Variants in SPAG16 observed in about 807,000 individuals in gnomAD.
SPAG16 encodes the protein sperm associated antigen 16, also known as sperm-associated antigen 16 protein.
In SPAG16, 86 loss-of-function variants were observed where a neutral mutation model predicts 80.4. The observed-to-expected ratio is 1.07, with a 90% CI of 0.90 to 1.28. SPAG16 has a LOEUF of 1.28. SPAG16 is among the 50% of genes most tolerant of loss of function. SPAG16 has a pLI of 0.00. For synonymous variants in SPAG16, 294 were observed against 265.9 expected (o/e 1.11, Z -1.03); for missense variants, 870 against 765.3 (o/e 1.14, Z -1.61).
In SPAG16 at chr2:214,236,651, C is replaced by CA. The variant is rs796602256; in HGVS notation, c.1720+87398dup. On this transcript the variant is annotated intron_variant, in intron 15 of 15. Coordinates refer to ENST00000331683, the MANE Select transcript of SPAG16 (RefSeq NM_024532.5). ...TGGGTGACAGAGCGAGACTCCGTTT[C>CA]AAAAAAAAAAAAAGATACAATTTTG... Among the ~76,000 whole-genome samples, 560 of 131,502 alleles carry CA rather than the reference C, an allele frequency of 4.3e-3. 3 individuals carry two copies. The highest frequency in any genetic ancestry group is 0.011 in the African/African-American group (409 of 36,200). 86.3% of individuals were successfully genotyped at this position (131,502 alleles called of 152,430 possible).
chr2:214,273,048 A>G (rs1257809117), intron 15 of SPAG16, among the ~76,000 whole-genome samples: 34 of 152,108 alleles, frequency 2.2e-4, no homozygotes, highest in Non-Finnish European at 1.5e-5. Context: ...GCCAGTGATG[A>G]TGAGCATTTT....
intron 15 of SPAG16, among the ~76,000 whole-genome samples, chr2:214,213,761 A>T (rs2058355351): frequency 6.6e-6 from 1 of 152,196 alleles, no homozygotes; most frequent in Non-Finnish European, 1.5e-5. Context: ...CAAAAAATCA[A>T]TTCTATCTAC....
chr2:213,697,366 G>C (rs1195315554), intron 10 of SPAG16, among the ~76,000 whole-genome samples: 1 of 152,126 alleles, frequency 6.6e-6, no homozygotes. Context: ...TGTATTTAGA[G>C]TGAGACAAAA....
intron 15 of SPAG16, among the ~76,000 whole-genome samples, chr2:214,261,721 C>T (rs1044951707): frequency 6.6e-6 from 1 of 151,996 alleles, no homozygotes; most frequent in African/African-American, 2.4e-5. Flanking sequence ...TTTCTATCAT[C>T]TTGGATATAA....
At chr2:213,625,089 G>A (rs1187679745) in intron 10 of SPAG16, among the ~76,000 whole-genome samples, 2 of 151,994 alleles carry the variant, frequency 1.3e-5, no homozygotes, top group African/African-American at 4.8e-5. Context: ...CACCACACCC[G>A]GCCTCAGTTT....
intron 15 of SPAG16, among the ~76,000 whole-genome samples, chr2:214,289,977 T>A (rs1693672119): frequency 6.6e-6 from 1 of 152,198 alleles, no homozygotes; most frequent in South Asian, 2.1e-4. Context: ...TTTTTTTGAA[T>A]ACTTTCAGGA....
At chr2:213,374,087 G>A (rs1373742568) in intron 8 of SPAG16, among the ~76,000 whole-genome samples, 3 of 152,100 alleles carry the variant, frequency 2.0e-5, no homozygotes, top group Non-Finnish European at 2.9e-5. Context: ...TTCATGTAAC[G>A]TGGGGTTATG....
At chr2:213,561,065 T>C (rs1460935778) in intron 10 of SPAG16, among the ~76,000 whole-genome samples, 1 of 152,178 alleles carries the variant, frequency 6.6e-6, no homozygotes, top group East Asian at 1.9e-4. Flanking sequence ...GGTTTCAATA[T>C]GTTGGCAAGG....
At chr2:213,728,049 A>G (rs901384873) in intron 10 of SPAG16, among the ~76,000 whole-genome samples, 4 of 152,048 alleles carry the variant, frequency 2.6e-5, no homozygotes, top group African/African-American at 9.7e-5. Context: ...AGGTTTCACT[A>G]CGTTGGTCAG....
chr2:213,912,512 G>A (rs1024139559), intron 11 of SPAG16, among the ~76,000 whole-genome samples: 12 of 151,838 alleles, frequency 7.9e-5, no homozygotes, highest in Non-Finnish European at 1.6e-4. Context: ...TTTCTTCCTC[G>A]CTTCCTTACT....
chr2:213,935,708 AT>A (rs2078960439), intron 12 of SPAG16, among the ~76,000 whole-genome samples: 1 of 152,232 alleles, frequency 6.6e-6, no homozygotes, highest in South Asian at 2.1e-4. Flanking sequence ...CATTGACCAC[AT>A]TTACTGATAG....
chr2:214,188,247 A>G (rs2057542944), intron 15 of SPAG16, among the ~76,000 whole-genome samples: 1 of 152,190 alleles, frequency 6.6e-6, no homozygotes, highest in Admixed American at 6.6e-5. Flanking sequence ...TAGGCCATTA[A>G]GTATATTTGA....
intron 9 of SPAG16, among the ~76,000 whole-genome samples, chr2:213,472,829 A>C (rs561996783): frequency 3.9e-5 from 6 of 152,348 alleles, no homozygotes; most frequent in Admixed American, 2.6e-4. Context: ...GCTCAGAGGC[A>C]GTGACCATTA....
At chr2:214,382,196 A>C (rs1374494395) in intron 15 of SPAG16, among the ~76,000 whole-genome samples, 1 of 152,236 alleles carries the variant, frequency 6.6e-6, no homozygotes, top group Non-Finnish European at 1.5e-5. Context: ...AGAAAGATCA[A>C]ATCCTCACAG....
At chr2:214,347,845 C>T (rs1013237410) in intron 15 of SPAG16, among the ~76,000 whole-genome samples, 1 of 152,068 alleles carries the variant, frequency 6.6e-6, no homozygotes, top group African/African-American at 2.4e-5. Context: ...AGGGAGTAAG[C>T]TCAGAAAACC....
intron 10 of SPAG16, among the ~76,000 whole-genome samples, chr2:213,754,407 A>C (rs1403573797): frequency 1.3e-5 from 2 of 152,140 alleles, no homozygotes; most frequent in Non-Finnish European, 2.9e-5. Flanking sequence ...GCTCATTTTT[A>C]TTTATTTTTC....
chr2:213,936,516 C>T (rs2078995109), intron 12 of SPAG16, among the ~76,000 whole-genome samples: 1 of 152,054 alleles, frequency 6.6e-6, no homozygotes, highest in Admixed American at 6.6e-5. Flanking sequence ...TGTAGCAATC[C>T]AGGCCAAAGA....
intron 9 of SPAG16, among the ~76,000 whole-genome samples, chr2:213,459,261 G>A (rs906487398): frequency 3.3e-5 from 5 of 151,978 alleles, no homozygotes; most frequent in South Asian, 2.1e-4. Context: ...ACAGTCTTAC[G>A]TTTCATATGC....
At chr2:213,934,649 T>C (rs747045284) in intron 12 of SPAG16, among the ~76,000 whole-genome samples, 3 of 152,232 alleles carry the variant, frequency 2.0e-5, no homozygotes, top group Admixed American at 6.5e-5. Context: ...ATCTAAATGA[T>C]ATTTATTAGC....
Sources: allele counts gnomAD v4.1 joint callset (sites outside exome capture counted in the v4.1 genomes callset), GRCh38; gene constraint gnomAD v4.1.1; transcripts MANE v1.5; gene names NCBI Gene and HGNC (gene_info 2026-07-23, HGNC 2026-07-21).